NRG3: variants seen among roughly 807,000 people sequenced by gnomAD.
The protein encoded by NRG3 is neuregulin 3, also known as pro-neuregulin-3, membrane-bound isoform.
A neutral mutation model predicts 66.9 loss-of-function variants in NRG3; 31 were observed. That is an observed-to-expected ratio of 0.46 (90% CI 0.35 to 0.63). The LOEUF is 0.63. Ranked by LOEUF, NRG3 falls within the 20% of genes least tolerant of loss-of-function variation. NRG3 has a pLI of 0.00. For missense variants in NRG3, 910 were observed against 878.9 expected, an observed-to-expected ratio of 1.04 and a Z score of -0.45; for synonymous variants, 393 against 359.4, an observed-to-expected ratio of 1.09 and a Z score of -1.06.
At chr10:82,806,878 CCCTT>C (rs1212179608) in intron 3 of NRG3, among the ~76,000 whole-genome samples, 1 of 152,114 alleles carries the variant, frequency 6.6e-6, no homozygotes, top group Non-Finnish European at 1.5e-5. Context: ...CTGCATGTAA[CCCTT>C]CCTATTTCTA....
chr10:82,938,972 C>A (rs1411248833), intron 4 of NRG3, among the ~76,000 whole-genome samples: 1 of 152,128 alleles, frequency 6.6e-6, no homozygotes, highest in South Asian at 2.1e-4. Flanking sequence ...AAAGTGAACT[C>A]GGACACCACA....
intron 1 of NRG3, among the ~76,000 whole-genome samples, chr10:82,312,476 C>G (rs781464334): frequency 6.6e-6 from 1 of 152,190 alleles, no homozygotes; most frequent in African/African-American, 2.4e-5. Context: ...CATTTTCAAT[C>G]TTTTTACCTG....
At chr10:82,264,921 A>C (rs1366507121) in intron 1 of NRG3, among the ~76,000 whole-genome samples, 1 of 152,182 alleles carries the variant, frequency 6.6e-6, no homozygotes, top group African/African-American at 2.4e-5. Context: ...CAGTGAGTAC[A>C]AACAAGTCTT....
chr10:82,259,909 G>C (rs2077930860), intron 1 of NRG3, among the ~76,000 whole-genome samples: 1 of 151,508 alleles, frequency 6.6e-6, no homozygotes. Context: ...TCCAACCTGG[G>C]TGACAGGGCA....
Position 81,966,735 on chromosome 10 carries a change from T to C in NRG3, c.823+90572T>C, listed in dbSNP as rs77367736. 1.2e-3 allele frequency among the ~76,000 whole-genome samples: 177 copies of C among 152,332 alleles called. 4 individuals are homozygous for C. The East Asian group carries it at 0.032, about 28-fold the overall frequency. On this transcript the variant is annotated intron_variant, in intron 1 of 8. Transcript: ENST00000372141. ...AGTCATCTTACTAGTATACCAACTT[T>C]CTCAGTGGTTATTTTACTGTTTAGA...
At chr10:82,853,122 C>A (rs1342957388) in intron 3 of NRG3, among the ~76,000 whole-genome samples, 1 of 152,046 alleles carries the variant, frequency 6.6e-6, no homozygotes, top group Non-Finnish European at 1.5e-5. Flanking sequence ...TATATAATTC[C>A]AAATATGGAG....
chr10:82,049,025 AC>A (rs1422174410), intron 1 of NRG3, among the ~76,000 whole-genome samples: 1 of 152,180 alleles, frequency 6.6e-6, no homozygotes, highest in Non-Finnish European at 1.5e-5. Context: ...CTCGACACAT[AC>A]ACCCTCCCAG....
At chr10:82,235,202 C>T (rs1311777838) in intron 1 of NRG3, among the ~76,000 whole-genome samples, 1 of 152,190 alleles carries the variant, frequency 6.6e-6, no homozygotes, top group Non-Finnish European at 1.5e-5. Flanking sequence ...CACAGCTGCA[C>T]CCTTTCATGT....
At chr10:82,408,139 G>GAAAGA (rs1554911335) in intron 2 of NRG3, among the ~76,000 whole-genome samples, 36 of 140,540 alleles carry the variant, frequency 2.6e-4, no homozygotes, top group African/African-American at 8.3e-4. Context: ...AAGAAAGAAA[G>GAAAGA]AAAGAAAAGA....
At chr10:82,790,591 C>T (rs573533374) in intron 3 of NRG3, among the ~76,000 whole-genome samples, 2 of 152,064 alleles carry the variant, frequency 1.3e-5, no homozygotes, top group African/African-American at 4.8e-5. Flanking sequence ...CATTGAGCCT[C>T]TTGGATGTAT....
At chr10:82,564,215 G>A (rs2045242909) in intron 2 of NRG3, among the ~76,000 whole-genome samples, 2 of 152,098 alleles carry the variant, frequency 1.3e-5, no homozygotes, top group South Asian at 2.1e-4. Flanking sequence ...AATCAGAAAT[G>A]TATTTGTAGG....
At chr10:82,039,544 A>G (rs900761100) in intron 1 of NRG3, among the ~76,000 whole-genome samples, 15 of 152,130 alleles carry the variant, frequency 9.9e-5, no homozygotes, top group African/African-American at 3.1e-4. Flanking sequence ...AACAGAATGC[A>G]GTCATTAATT....
intron 1 of NRG3, among the ~76,000 whole-genome samples, chr10:82,135,139 T>A (rs1317349043): frequency 3.3e-5 from 5 of 150,982 alleles, no homozygotes; most frequent in Admixed American, 6.6e-5. Context: ...AAAAAAAAAA[T>A]TCCATATGAA....
intron 1 of NRG3, among the ~76,000 whole-genome samples, chr10:82,290,328 C>G (rs1163483233): frequency 6.6e-6 from 1 of 152,178 alleles, no homozygotes. Flanking sequence ...TCAGTGCTCT[C>G]ACTGCATTAT....
rs149703260 is a variant in NRG3 at position 82,110,220 on chromosome 10, A to G, written c.823+234057A>G. 4.0e-3 allele frequency among the ~76,000 whole-genome samples: 606 copies of G among 152,308 alleles called. 3 individuals carry two copies. The highest frequency in any genetic ancestry group is 0.014 in the African/African-American group (578 of 41,570). Reference sequence around the variant, plus strand: ...CCATACAGATATCTATGGTGAGTATATATTGGGCCAAGGGAAAATCAAATA... The same window carrying G: ...CCATACAGATATCTATGGTGAGTATGTATTGGGCCAAGGGAAAATCAAATA... On this transcript the variant is annotated intron_variant, in intron 1 of 8. Transcript: ENST00000372141.
At chr10:82,957,924 G>T (rs926298723) in intron 5 of NRG3, among the ~76,000 whole-genome samples, 1 of 151,526 alleles carries the variant, frequency 6.6e-6, no homozygotes, top group Non-Finnish European at 1.5e-5. Flanking sequence ...GTGTGTGTGA[G>T]TGTTGTGTTT....
intron 1 of NRG3, among the ~76,000 whole-genome samples, chr10:82,156,060 A>T (rs1054277400): frequency 2.0e-5 from 3 of 151,636 alleles, no homozygotes; most frequent in African/African-American, 7.2e-5. Flanking sequence ...CTCTGTTCAT[A>T]TGTTTTGGCC....
chr10:82,253,034 C>T lies in NRG3; in HGVS notation c.824-105705C>T, dbSNP rs552097694. Among the ~76,000 whole-genome samples, 5 of 152,308 alleles carry T rather than the reference C, an allele frequency of 3.3e-5. No individual in the cohort carries two copies. In the South Asian group the frequency reaches 6.2e-4, roughly 19 times the overall value. On this transcript the variant is annotated intron_variant, in intron 1 of 8. Coordinates refer to ENST00000372141, the MANE Select transcript of NRG3 (RefSeq NM_001010848.4). ...ACACCCCGATCTCTCATTCCCTTTG[C>T]CTCCTCATCTCCAACCACCTTCTTC...
intron 2 of NRG3, among the ~76,000 whole-genome samples, chr10:82,554,545 T>C (rs945578185): frequency 1.3e-5 from 2 of 152,166 alleles, no homozygotes; most frequent in African/African-American, 2.4e-5. Context: ...TCACTAACCA[T>C]GTCACTCTTG....
Sources: allele counts gnomAD v4.1 joint callset (sites outside exome capture counted in the v4.1 genomes callset), GRCh38; gene constraint gnomAD v4.1.1; transcripts MANE v1.5; gene names NCBI Gene and HGNC (gene_info 2026-07-23, HGNC 2026-07-21).